Variants in PPFIA2 observed in about 807,000 individuals in gnomAD.
The protein encoded by PPFIA2 is PPFI scaffold protein A2.
A neutral mutation model predicts 175.5 loss-of-function variants in PPFIA2; 46 were observed. The ratio of observed to expected loss-of-function variants is 0.26; its 90% CI spans 0.21 to 0.34. The LOEUF (loss-of-function observed/expected upper bound fraction) is 0.34, where lower values mean the gene tolerates loss of function less well. Among genes scored for constraint, PPFIA2 ranks in the 10% least tolerant of loss-of-function variants. The probability of loss-of-function intolerance (pLI) is 1.00; values close to 1 mark genes in which losing one functional copy is unlikely to be tolerated. For synonymous variants in PPFIA2, 568 were observed against 511.4 expected (o/e 1.11, Z -1.49); for missense variants, 1,179 against 1,506.1 (o/e 0.78, Z 3.60).
chr12:81,505,685 AAT>A (rs1567109361), intron 4 of PPFIA2: 1 of 152,200 alleles, frequency 6.6e-6, no homozygotes, highest in Non-Finnish European at 1.5e-5. Flanking sequence ...TGTTCCACAC[AAT>A]GAGTTCCCTC....
chr12:81,333,070 C>T (rs536402427), intron 21 of PPFIA2, among the ~76,000 whole-genome samples: 85 of 152,206 alleles, frequency 5.6e-4, no homozygotes, highest in South Asian at 1.2e-3. Flanking sequence ...AAAGATCATC[C>T]AGTCCAATCA....
chr12:81,739,442 T>C (rs2082063561), intron 3 of PPFIA2, among the ~76,000 whole-genome samples: 1 of 152,000 alleles, frequency 6.6e-6, no homozygotes, highest in Non-Finnish European at 1.5e-5. Flanking sequence ...CATTTTAAAA[T>C]AAACTTTTCT....
chr12:81,355,590 T>TA (rs1392582257), intron 16 of PPFIA2, among the ~76,000 whole-genome samples: 1 of 152,232 alleles, frequency 6.6e-6, no homozygotes, highest in African/African-American at 2.4e-5. Context: ...TCGTTTAGTG[T>TA]AGTCATCCTC....
chr12:81,499,515 A>G lies in PPFIA2; in HGVS notation c.304-41649T>C, dbSNP rs1420963209. On this transcript the variant is annotated intron_variant, in intron 4 of 32. Coordinates refer to ENST00000549396, the MANE Select transcript of PPFIA2 (RefSeq NM_003625.5). ...TTATATTTTTGAGGAACAGAGAAAG[A>G]GGACAAAGGGGAGAGGAGTCACCAC... Among the ~76,000 whole-genome samples the G allele has an allele frequency of 2.6e-5, 4 of 152,200 alleles. No homozygotes were observed. In the East Asian group the frequency reaches 7.7e-4, roughly 29 times the overall value.
At position 81,754,136 on chromosome 12, in the gene PPFIA2, G is replaced by A; in HGVS notation, c.86C>T (p.Ser29Phe). Residue 29 changes from serine (S) to phenylalanine (F), a missense_variant, in exon 3 of 33, where the codon TCC (serine) becomes TTC (phenylalanine). By Grantham distance (155) the Ser-to-Phe change is radical. Transcript: ENST00000549396. ...ATTCACCATCAGCTGCTCAAAATGG[G>A]AGTCTGAGTCCGAGCCACTGCTTTG... ...GSQSSGSDSD[S>F]HFEQLMVNML... The A allele has an allele frequency of 6.2e-7, 1 of 1,613,698 alleles. No homozygotes were observed. The highest frequency in any genetic ancestry group is 8.5e-7 in the Non-Finnish European group (1 of 1,179,786).
chr12:81,490,597 G>C (rs1466878722), intron 4 of PPFIA2, among the ~76,000 whole-genome samples: 1 of 151,920 alleles, frequency 6.6e-6, no homozygotes, highest in Non-Finnish European at 1.5e-5. Context: ...ACATTCATTA[G>C]ACATAAATTG....
chr12:81,577,006 G>T (rs2073666828), intron 4 of PPFIA2, among the ~76,000 whole-genome samples: 1 of 151,694 alleles, frequency 6.6e-6, no homozygotes, highest in Non-Finnish European at 1.5e-5. Context: ...TAAATTAATT[G>T]AGCTGTAGAG....
chr12:81,608,196 T>C (rs1267580881), intron 4 of PPFIA2, among the ~76,000 whole-genome samples: 1 of 152,098 alleles, frequency 6.6e-6, no homozygotes, highest in African/African-American at 2.4e-5. Context: ...TTCTGTTTTA[T>C]AGTATTCTGT....
At position 81,385,067 on chromosome 12, in the gene PPFIA2, A is replaced by G. The variant is rs145919787; in HGVS notation, c.763-823T>C. ...AAGAGACCTGAATAAACATTTCTCA[A>G]AAGAAGACATACAGATGACCAGCAG... On this transcript the variant is annotated intron_variant, in intron 8 of 32. Coordinates refer to ENST00000549396, the MANE Select transcript of PPFIA2 (RefSeq NM_003625.5). Among the ~76,000 whole-genome samples, 424 of 152,276 alleles carry G rather than the reference A, an allele frequency of 2.8e-3. 2 individuals carry two copies. Among genetic ancestry groups the G allele is most frequent in the African/African-American group, 9.6e-3 (400 of 41,570 alleles).
intron 4 of PPFIA2, among the ~76,000 whole-genome samples, chr12:81,654,251 GA>G (rs1175331112): frequency 1.3e-5 from 2 of 151,686 alleles, no homozygotes; most frequent in Non-Finnish European, 2.9e-5. Context: ...ATAAGATGTT[GA>G]AAAAAACATC....
intron 4 of PPFIA2, among the ~76,000 whole-genome samples, chr12:81,524,793 C>G (rs1476767374): frequency 6.6e-6 from 1 of 152,164 alleles, no homozygotes; most frequent in African/African-American, 2.4e-5. Context: ...AATATATCCC[C>G]TTAAAATTCA....
intron 4 of PPFIA2, among the ~76,000 whole-genome samples, chr12:81,642,982 C>CT (rs1567692570): frequency 7.0e-6 from 1 of 143,016 alleles, no homozygotes; most frequent in South Asian, 2.2e-4. Context: ...AATTATATAT[C>CT]TCTTATGTGT....
At chr12:81,689,256 T>C (rs956247944) in intron 3 of PPFIA2, among the ~76,000 whole-genome samples, 2 of 152,044 alleles carry the variant, frequency 1.3e-5, no homozygotes, top group Non-Finnish European at 2.9e-5. Flanking sequence ...GGAAAGAAAT[T>C]CACCAAGTTC....
At chr12:81,576,622 A>C (rs1016945870) in intron 4 of PPFIA2, among the ~76,000 whole-genome samples, 23 of 151,858 alleles carry the variant, frequency 1.5e-4, no homozygotes, top group African/African-American at 5.1e-4. Flanking sequence ...AGCATCTAAT[A>C]TCACAAACCC....
chr12:81,555,280 T>C (rs1394181912), intron 4 of PPFIA2, among the ~76,000 whole-genome samples: 1 of 152,018 alleles, frequency 6.6e-6, no homozygotes, highest in African/African-American at 2.4e-5. Flanking sequence ...TCATATAAAG[T>C]AATATTGATT....
chr12:81,742,500 G>A (rs1345792704), intron 3 of PPFIA2, among the ~76,000 whole-genome samples: 1 of 152,160 alleles, frequency 6.6e-6, no homozygotes, highest in African/African-American at 2.4e-5. Context: ...CTGAAGTTTT[G>A]GGCCTAAGCC....
intron 9 of PPFIA2, 57 bp downstream of exon 9, chr12:81,383,966 A>C: frequency 7.4e-7 from 1 of 1,354,184 alleles, no homozygotes; most frequent in Non-Finnish European, 1.0e-6. Flanking sequence ...TTATGGAAAC[A>C]GTATCTCAGA....
chr12:81,523,761 A>G (rs115124829), intron 4 of PPFIA2, among the ~76,000 whole-genome samples: 12 of 152,300 alleles, frequency 7.9e-5, no homozygotes, highest in African/African-American at 2.9e-4. Flanking sequence ...ACCTAAGACT[A>G]AACTTTTCCA....
chr12:81,607,887 C>A (rs1042716224), intron 4 of PPFIA2, among the ~76,000 whole-genome samples: 4 of 151,752 alleles, frequency 2.6e-5, no homozygotes, highest in African/African-American at 9.7e-5. Flanking sequence ...TCAAGGGGGA[C>A]GGTTCTAGTT....
Sources: allele counts gnomAD v4.1 joint callset (sites outside exome capture counted in the v4.1 genomes callset), GRCh38; gene constraint gnomAD v4.1.1; transcripts MANE v1.5; gene names NCBI Gene and HGNC (gene_info 2026-07-23, HGNC 2026-07-21).